Variants in GSTCD observed in about 807,000 individuals in gnomAD.
GSTCD encodes the protein glutathione S-transferase C-terminal domain containing.
GSTCD carries 44 observed loss-of-function variants against 68.3 expected under a neutral mutation model. That is an observed-to-expected ratio of 0.64 (90% CI 0.51 to 0.83). The LOEUF (loss-of-function observed/expected upper bound fraction) is 0.83. GSTCD is among the 40% of genes least tolerant of loss of function. The probability of loss-of-function intolerance (pLI) is 0.00; values close to 1 mark genes in which losing one functional copy is unlikely to be tolerated. For synonymous variants in GSTCD, 273 were observed against 255.2 expected (o/e 1.07, Z -0.67); for missense variants, 739 against 735.9 (o/e 1.00, Z -0.05).
chr4:105,716,586 C>T (rs1732688235), intron 1 of GSTCD, among the ~76,000 whole-genome samples: 1 of 152,202 alleles, frequency 6.6e-6, no homozygotes, highest in Admixed American at 6.5e-5. Flanking sequence ...ACCCTCTTAA[C>T]TGCACGCAGG....
At chr4:105,792,219 C>T (rs1354577219) in intron 5 of GSTCD, among the ~76,000 whole-genome samples, 1 of 151,996 alleles carries the variant, frequency 6.6e-6, no homozygotes, top group Non-Finnish European at 1.5e-5. Context: ...ACTGTTGAAA[C>T]TGTGAACTGT....
At chr4:105,725,540 C>T (rs1333794368) in intron 3 of GSTCD, among the ~76,000 whole-genome samples, 3 of 152,050 alleles carry the variant, frequency 2.0e-5, no homozygotes, top group African/African-American at 7.2e-5. Context: ...TGATAGGTGG[C>T]ATTTCCTTGT....
chr4:105,831,599 G>A (rs1420647482), intron 8 of GSTCD, among the ~76,000 whole-genome samples: 1 of 152,052 alleles, frequency 6.6e-6, no homozygotes, highest in African/African-American at 2.4e-5. Context: ...TTTTGTTTGT[G>A]TGTTCACATC....
chr4:105,811,697 A>G (rs1463360265), intron 5 of GSTCD, among the ~76,000 whole-genome samples: 1 of 152,092 alleles, frequency 6.6e-6, no homozygotes. Flanking sequence ...AAGAAAGAAA[A>G]AAAAAATCTG....
At chr4:105,839,337 A>G (rs1724246023) in intron 10 of GSTCD, among the ~76,000 whole-genome samples, 1 of 152,246 alleles carries the variant, frequency 6.6e-6, no homozygotes, top group South Asian at 2.1e-4. Context: ...TAAAGTAGAA[A>G]ATAAATTGAG....
chr4:105,811,191 A>C (rs1367135201), intron 5 of GSTCD, among the ~76,000 whole-genome samples: 1 of 152,114 alleles, frequency 6.6e-6, no homozygotes, highest in African/African-American at 2.4e-5. Flanking sequence ...AAAAAAATAG[A>C]AAAGGTATTA....
chr4:105,771,787 C>T (rs138180122), intron 5 of GSTCD, among the ~76,000 whole-genome samples: 8,183 of 152,068 alleles, frequency 0.054, 251 homozygotes, highest in Middle Eastern at 0.14. Flanking sequence ...GTAGTATAGT[C>T]TGAAGTCAGG....
chr4:105,825,091 G>A (rs1723525892), intron 7 of GSTCD, among the ~76,000 whole-genome samples: 1 of 150,822 alleles, frequency 6.6e-6, no homozygotes, highest in African/African-American at 2.5e-5. Flanking sequence ...TTGTTTGCTT[G>A]GTTGGTTGAT....
chr4:105,775,808 A>T (rs933865832), intron 5 of GSTCD, among the ~76,000 whole-genome samples: 5 of 152,162 alleles, frequency 3.3e-5, no homozygotes, highest in Non-Finnish European at 7.4e-5. Context: ...GGTGTCTCCC[A>T]GTCAGGAGGC....
intron 5 of GSTCD, among the ~76,000 whole-genome samples, chr4:105,798,272 T>G (rs913267362): frequency 6.6e-6 from 1 of 152,112 alleles, no homozygotes; most frequent in Non-Finnish European, 1.5e-5. Flanking sequence ...CCACAGTTGC[T>G]TCCTCTTCTG....
chr4:105,731,934 G>A (rs559339569), intron 5 of GSTCD, among the ~76,000 whole-genome samples: 1 of 152,116 alleles, frequency 6.6e-6, no homozygotes, highest in Non-Finnish European at 1.5e-5. Flanking sequence ...GGCCTTTTCT[G>A]CATCTATTGA....
chr4:105,767,717 T>G (rs1734674586), intron 5 of GSTCD, among the ~76,000 whole-genome samples: 1 of 152,196 alleles, frequency 6.6e-6, no homozygotes, highest in South Asian at 2.1e-4. Context: ...TTCAGCCCTG[T>G]AGCCTGGGTG....
intron 5 of GSTCD, among the ~76,000 whole-genome samples, chr4:105,773,163 CT>C (rs921734475): frequency 6.6e-6 from 1 of 152,054 alleles, no homozygotes; most frequent in African/African-American, 2.4e-5. Context: ...TCATAGTATT[CT>C]TTTATGGTAG....
rs370674351 is a variant in GSTCD, at chr4:105,823,082, T to G, written c.1356+13T>G. The G allele has an allele frequency of 4.8e-4, 768 of 1,595,186 alleles. 1 individual carries two copies. The highest frequency in any genetic ancestry group is 6.2e-4 in the Non-Finnish European group (720 of 1,163,166). On this transcript the variant is annotated intron_variant, in intron 6 of 11. Transcript: ENST00000515279. ...CTGCAGCGGTGGGGTATTTTATCTCTCCTTTCATCCTTTTTAGTCTTTCTA... is the reference window on the plus strand; with the variant it reads ...CTGCAGCGGTGGGGTATTTTATCTCGCCTTTCATCCTTTTTAGTCTTTCTA...
chr4:105,720,935 A>G (rs969011200), intron 3 of GSTCD, among the ~76,000 whole-genome samples: 1 of 152,074 alleles, frequency 6.6e-6, no homozygotes, highest in African/African-American at 2.4e-5. Context: ...CTAATTCTCA[A>G]AATATTTTCC....
At position 105,822,962 on chromosome 4, in the gene GSTCD, T is replaced by A; in HGVS notation, c.1249T>A (p.Ser417Thr). 1 of 1,611,516 alleles carries A rather than the reference T, an allele frequency of 6.2e-7. No homozygotes were observed. The change falls in exon 6 of 12, where the codon TCC becomes ACC. Residue 417 changes from serine (S) to threonine (T), a missense_variant. Transcript: ENST00000515279. ...TTTCTTGTCTTTCTCAGGTAAAATGTCCAGTGATCGAGCTTTGAGGAAGCA... is the reference window on the plus strand; with the variant it reads ...TTTCTTGTCTTTCTCAGGTAAAATGACCAGTGATCGAGCTTTGAGGAAGCA... ...AAVSPKEGKM[S>T]SDRALRKQQQ...
At chr4:105,829,187 T>TAAA (rs761947774) in intron 8 of GSTCD, among the ~76,000 whole-genome samples, 2 of 114,944 alleles carry the variant, frequency 1.7e-5, no homozygotes, top group Non-Finnish European at 1.8e-5. Flanking sequence ...CAGCTATAAT[T>TAAA]AAAAAAAAAA....
At chr4:105,771,636 C>G (rs1734851735) in intron 5 of GSTCD, among the ~76,000 whole-genome samples, 1 of 152,100 alleles carries the variant, frequency 6.6e-6, no homozygotes, top group South Asian at 2.1e-4. Context: ...AATCCTTTTC[C>G]CATTGCTTGT....
intron 5 of GSTCD, among the ~76,000 whole-genome samples, chr4:105,751,340 C>G (rs1486846180): frequency 6.6e-6 from 1 of 151,998 alleles, no homozygotes; most frequent in Non-Finnish European, 1.5e-5. Context: ...AAATACTTCT[C>G]AGCTCACCTT....
Sources: allele counts gnomAD v4.1 joint callset (sites outside exome capture counted in the v4.1 genomes callset), GRCh38; gene constraint gnomAD v4.1.1; transcripts MANE v1.5; gene names NCBI Gene and HGNC (gene_info 2026-07-23, HGNC 2026-07-21).